The following CREB1 variants were observed in gnomAD, a reference collection of about 807,000 sequenced individuals.
CREB1 encodes the protein cAMP responsive element binding protein 1.
In CREB1, 2 loss-of-function variants were observed where a neutral mutation model predicts 42.0. The ratio of observed to expected loss-of-function variants is 0.05; its 90% confidence interval spans 0.02 to 0.15. The LOEUF (loss-of-function observed/expected upper bound fraction) is 0.15. Among genes scored for constraint, CREB1 ranks in the 10% least tolerant of loss-of-function variants. CREB1 has a pLI of 1.00. For synonymous variants in CREB1, 123 were observed against 139.9 expected, an observed-to-expected ratio of 0.88 and a Z score of 0.85; for missense variants, 199 against 388.9, an observed-to-expected ratio of 0.51 and a Z score of 4.11.
At chr2:207,579,487 A>G (rs956484398) in intron 7 of CREB1, among the ~76,000 whole-genome samples, 1 of 152,128 alleles carries the variant, frequency 6.6e-6, no homozygotes, top group Non-Finnish European at 1.5e-5. Context: ...TGGCAGACCA[A>G]ATTTCCTTTT....
At chr2:207,581,297 TAA>T (rs1483594204) in intron 7 of CREB1, 1 of 197,054 alleles carries the variant, frequency 5.1e-6, no homozygotes, top group East Asian at 8.1e-5. Context: ...CTAAAAAAAT[TAA>T]AATGTATTTG....
chr2:207,595,642 C>CA (rs1463311388), intron 7 of CREB1, among the ~76,000 whole-genome samples: 1 of 152,072 alleles, frequency 6.6e-6, no homozygotes, highest in Non-Finnish European at 1.5e-5. Flanking sequence ...CGGCTCACTG[C>CA]AACCTAAGAC....
chr2:207,551,079 C>G (rs973085529), intron 1 of CREB1, among the ~76,000 whole-genome samples: 1 of 152,172 alleles, frequency 6.6e-6, no homozygotes, highest in African/African-American at 2.4e-5. Flanking sequence ...CAACCCTTTG[C>G]TGATACCATT....
chr2:207,563,925 C>T (rs1362307997), intron 3 of CREB1, among the ~76,000 whole-genome samples: 1 of 152,064 alleles, frequency 6.6e-6, no homozygotes, highest in African/African-American at 2.4e-5. Context: ...GCCTGAGTGA[C>T]AGAGTGAGAC....
At chr2:207,582,089 C>T (rs985777855) in intron 7 of CREB1, 1 of 702,498 alleles carries the variant, frequency 1.4e-6, no homozygotes, top group African/African-American at 1.7e-5. Context: ...GTCCAGGTGT[C>T]TCCACTGTTG....
chr2:207,565,039 T>G (rs1574847541), intron 3 of CREB1, among the ~76,000 whole-genome samples: 1 of 101,338 alleles, frequency 9.9e-6, no homozygotes, highest in South Asian at 2.5e-4. Context: ...GTCCAGTATG[T>G]TTTTTTTTTT....
intron 1 of CREB1, among the ~76,000 whole-genome samples, chr2:207,532,860 A>C (rs925862828): frequency 1.3e-5 from 2 of 151,788 alleles, no homozygotes; most frequent in Non-Finnish European, 2.9e-5. Flanking sequence ...GGTTCAAGCA[A>C]TTCTCCTGCC....
intron 3 of CREB1, among the ~76,000 whole-genome samples, chr2:207,560,667 G>A (rs1053247670): frequency 1.3e-5 from 2 of 152,214 alleles, no homozygotes; most frequent in African/African-American, 4.8e-5. Context: ...TAGGACTGAA[G>A]TACCTCAGTC....
chr2:207,573,836 A>G (rs2551922), intron 5 of CREB1, among the ~76,000 whole-genome samples: 134,118 of 152,256 alleles, frequency 0.88, 60,410 homozygotes, highest in East Asian at 1. Context: ...CCCACCTTGA[A>G]TTCACTGCTC....
At chr2:207,572,267 T>C (rs560609740) in intron 5 of CREB1, among the ~76,000 whole-genome samples, 1 of 152,188 alleles carries the variant, frequency 6.6e-6, no homozygotes, top group East Asian at 1.9e-4. Context: ...TTTGAAATTT[T>C]TAAAGCTTTG....
At chr2:207,531,595 A>G (rs1373376520) in intron 1 of CREB1, among the ~76,000 whole-genome samples, 1 of 152,246 alleles carries the variant, frequency 6.6e-6, no homozygotes, top group Non-Finnish European at 1.5e-5. Flanking sequence ...GGTTTAGTAG[A>G]AGATACTTTT....
rs2082631028 is a variant in CREB1 at position 207,577,244 on chromosome 2, A to G, written c.689-261A>G. On this transcript the variant is annotated intron_variant, in intron 6 of 7. Coordinates refer to ENST00000353267, the MANE Select transcript of CREB1 (RefSeq NM_004379.5). ...CTTAAGGTTGGTAAGCATGTTAACA[A>G]CAGAATAGAACTGCATTCAAATGAA... The G allele has an allele frequency of 4.7e-6, 5 of 1,066,468 alleles. No homozygotes were observed. The South Asian group carries it at 8.2e-5, about 18-fold the overall frequency. 66.1% of individuals were successfully genotyped at this position (1,066,468 alleles called of 1,614,324 possible). A position where few individuals can be genotyped will look rare whatever the true frequency, so the allele number is the denominator to read the frequency against.
In CREB1 at chr2:207,578,331, T is replaced by A. The variant is rs548714034; in HGVS notation, c.839+676T>A. ...AGTTACTAAATATTGGTTTAGAACT[T>A]TCATATAGAAGTGACCGAGACAAAC... On this transcript the variant is annotated intron_variant, in intron 7 of 7. Coordinates refer to ENST00000353267, the MANE Select transcript of CREB1 (RefSeq NM_004379.5). Among the ~76,000 whole-genome samples the A allele has an allele frequency of 1.3e-4, 20 of 152,292 alleles. No individual in the cohort carries two copies. The South Asian group carries it at 4.1e-3, about 32-fold the overall frequency.
chr2:207,575,546 C>A, intron 6 of CREB1, 92 bp downstream of exon 6: 1 of 1,082,272 alleles, frequency 9.2e-7, no homozygotes, highest in Non-Finnish European at 1.3e-6. Context: ...ATATTGCAAA[C>A]CACCATTCAA....
At chr2:207,555,240 TC>T (rs2081670447) in intron 1 of CREB1, among the ~76,000 whole-genome samples, 1 of 152,186 alleles carries the variant, frequency 6.6e-6, no homozygotes, top group South Asian at 2.1e-4. Flanking sequence ...TTAGCTCACT[TC>T]CACTCTTCTG....
At chr2:207,595,811 C>G (rs1023390009) in intron 7 of CREB1, among the ~76,000 whole-genome samples, 1 of 152,192 alleles carries the variant, frequency 6.6e-6, no homozygotes, top group Non-Finnish European at 1.5e-5. Flanking sequence ...TCAAGAGATT[C>G]TCCCACCTCA....
intron 1 of CREB1, among the ~76,000 whole-genome samples, chr2:207,540,445 G>A (rs990324042): frequency 1.3e-5 from 2 of 151,908 alleles, no homozygotes; most frequent in Non-Finnish European, 2.9e-5. Flanking sequence ...GTTTCAAGCA[G>A]CCTGGGCAAA....
At chr2:207,594,991 C>CTTTTT (rs751274446) in intron 7 of CREB1, among the ~76,000 whole-genome samples, 5 of 118,824 alleles carry the variant, frequency 4.2e-5, no homozygotes, top group Non-Finnish European at 3.6e-5. Context: ...TGTTGAGCAT[C>CTTTTT]TTTTTTTTTT....
intron 1 of CREB1, among the ~76,000 whole-genome samples, chr2:207,537,674 AAACTT>A (rs2080928050): frequency 6.6e-6 from 1 of 152,250 alleles, no homozygotes; most frequent in South Asian, 2.1e-4. Flanking sequence ...TTTTGAGACA[AAACTT>A]AAATAAGAAT....
Sources: gnomAD v4.1 joint callset for allele counts (sites outside exome capture counted in the v4.1 genomes callset) on GRCh38, gnomAD v4.1.1 for gene constraint, MANE v1.5 for transcripts, NCBI Gene and HGNC (gene_info 2026-07-23, HGNC 2026-07-21) for gene names.